Variants in CREBZF observed in about 807,000 individuals in gnomAD.
The protein encoded by CREBZF is CREB/ATF bZIP transcription factor.
A neutral mutation model predicts 21.1 loss-of-function variants in CREBZF; 8 were observed. That is an observed-to-expected ratio of 0.38 (90% CI 0.22 to 0.68). The LOEUF is 0.68. CREBZF is among the 30% of genes least tolerant of loss of function. The pLI, the probability that CREBZF is intolerant of heterozygous loss-of-function variation, is 0.51. For missense variants in CREBZF, 518 were observed against 484.3 expected, an observed-to-expected ratio of 1.07 and a Z score of -0.65; for synonymous variants, 270 against 223.3, an observed-to-expected ratio of 1.21 and a Z score of -1.86.
Position 85,664,447 on chromosome 11 carries a change from C to G in CREBZF, c.429G>C (p.Trp143Cys). The G allele has an allele frequency of 6.2e-7, 1 of 1,613,694 alleles. No individual in the cohort carries two copies. Among genetic ancestry groups the G allele is most frequent in the Non-Finnish European group, 8.5e-7 (1 of 1,179,984 alleles). Residue 143 changes from tryptophan to cysteine, a missense_variant, in exon 1 of 1, where the codon TGG becomes TGC. Physicochemically the swap from Trp to Cys is radical, Grantham distance 215. This residue lies in a region of CREBZF where 396 missense variants were observed against 324.4 expected (regional missense o/e 1.22). Transcript: ENST00000527447. This position sits in a 1 kb window ranked among gnomAD's most constrained non-coding sequence, Gnocchi z 5.5. Reference protein sequence around the residue: ...SGGGSDSGGLWRGDDDDEAAA... With the variant: ...SGGGSDSGGLCRGDDDDEAAA... ...CGGCCTCATCGTCATCGTCCCCTCT[C>G]CACAGGCCGCCGCTATCCGAGCCTC...
chr11:85,658,260 A>G lies in CREBZF; in HGVS notation c.*5551T>C, dbSNP rs1466534769. Among the ~76,000 whole-genome samples the G allele has an allele frequency of 1.3e-5, 2 of 152,056 alleles. No individual in the cohort carries two copies. The highest frequency in any genetic ancestry group is 4.8e-5 in the African/African-American group (2 of 41,458). Reference sequence around the variant, plus strand: ...TAACTAAGTTCTTTGACGATTGAGCACACATTGTTTCCTTACTTATCTTTA... The same window carrying G: ...TAACTAAGTTCTTTGACGATTGAGCGCACATTGTTTCCTTACTTATCTTTA... On this transcript the variant is annotated 3_prime_UTR_variant, in exon 1 of 1. Transcript: ENST00000527447.
intron 1 of CREBZF, among the ~76,000 whole-genome samples, chr11:85,679,579 T>A (rs1007498488): frequency 6.6e-6 from 1 of 152,122 alleles, no homozygotes; most frequent in Non-Finnish European, 1.5e-5. Flanking sequence ...AAAGCTTGAG[T>A]ATATAAGAAA....
At chr11:85,670,765 G>C (rs1003281926) in intron 1 of CREBZF, among the ~76,000 whole-genome samples, 1 of 152,144 alleles carries the variant, frequency 6.6e-6, no homozygotes, top group African/African-American at 2.4e-5. Context: ...CTGAAGAGGA[G>C]GATAGGAATT....
chr11:85,670,289 G>A (rs886271173), intron 1 of CREBZF, among the ~76,000 whole-genome samples: 2 of 70,118 alleles, frequency 2.9e-5, no homozygotes, highest in East Asian at 4.7e-4. Context: ...CCCACAATAA[G>A]ATCTCAAGTT....
rs571493412 is a variant in CREBZF at position 85,658,927 on chromosome 11, T to C, written c.*4884A>G. Among the ~76,000 whole-genome samples the C allele has an allele frequency of 1.3e-5, 2 of 152,192 alleles. No individual in the cohort carries two copies. The highest frequency in any genetic ancestry group is 3.9e-4 in the East Asian group (2 of 5,192). On this transcript the variant is annotated 3_prime_UTR_variant, in exon 1 of 1. Transcript: ENST00000527447. ...GCAAAATATTTTCAACAATTTTGGG[T>C]CAACAAAAAGTATGGAATATTTTAA...
At position 85,662,186 on chromosome 11, in the gene CREBZF, G is replaced by A. The variant is rs140907963; in HGVS notation, c.*1625C>T. 6.7e-5 allele frequency: 36 copies of A among 536,920 alleles called. No homozygotes were observed. The highest frequency in any genetic ancestry group is 5.1e-4 in the African/African-American group (27 of 52,498). The allele number at this position is 536,920 out of a possible 1,614,324, so 33.3% of individuals were successfully genotyped here. On this transcript the variant is annotated 3_prime_UTR_variant, in exon 1 of 1. Transcript: ENST00000527447. The stretch of plus-strand genomic sequence containing the variant: ...CAAAGACCAATTCAGGTCTCAAATC[G>A]TATTATCTAGCAACAAAACATTTAC...
chr11:85,663,845 C>G lies in CREBZF; in HGVS notation c.1031G>C (p.Cys344Ser), dbSNP rs1565808228. The G allele has an allele frequency of 3.7e-6, 6 of 1,605,074 alleles. 1 individual carries two copies. Among genetic ancestry groups the G allele is most frequent in the Non-Finnish European group, 5.1e-6 (6 of 1,177,714 alleles). The change falls in exon 1 of 1, where the codon TGC becomes TCC. Residue 344 changes from cysteine to serine, a missense_variant. Cys to Ser is a moderately radical substitution (Grantham distance 112). Around this residue, in one of 3 missense-constraint regions of CREBZF, gnomAD observed 114 missense variants for 134.1 expected, o/e 0.85. Transcript: ENST00000527447. ...AAGAGAAGACGACGCCTTCCGGGCGCACGCCGAGCAGAACTCCACCGACAC... is the reference window on the plus strand; with the variant it reads ...AAGAGAAGACGACGCCTTCCGGGCGGACGCCGAGCAGAACTCCACCGACAC... ...DKVSVEFCSA[C>S]ARKASSSLKM
At position 85,660,496 on chromosome 11, in the gene CREBZF, C is replaced by G; in HGVS notation, c.*3315G>C. ...TGGCATTCATTTTTTTCAGCAGATGCCAAATTTTTGACCGACATGGTTCTC... is the reference window on the plus strand; with the variant it reads ...TGGCATTCATTTTTTTCAGCAGATGGCAAATTTTTGACCGACATGGTTCTC... On this transcript the variant is annotated 3_prime_UTR_variant, in exon 1 of 1. Transcript: ENST00000527447. The G allele has an allele frequency of 2.5e-6, 1 of 403,886 alleles. No homozygotes were observed. The highest frequency in any genetic ancestry group is 4.9e-6 in the Non-Finnish European group (1 of 205,190). 25.0% of individuals were successfully genotyped at this position (403,886 alleles called of 1,614,324 possible).
At chr11:85,671,362 G>A (rs1162257908) in intron 1 of CREBZF, among the ~76,000 whole-genome samples, 1 of 152,148 alleles carries the variant, frequency 6.6e-6, no homozygotes, top group Non-Finnish European at 1.5e-5. Flanking sequence ...TGGGGACACA[G>A]CCAAACAACA....
At position 85,664,725 on chromosome 11, in the gene CREBZF, G is replaced by A. The variant is rs779903479; in HGVS notation, c.151C>T (p.Pro51Ser). The change falls in exon 1 of 1, where the codon CCC (proline) becomes TCC (serine). Residue 51 changes from proline to serine, a missense_variant. Transcript: ENST00000527447. This position sits in a 1 kb window ranked among gnomAD's most constrained non-coding sequence, Gnocchi z 5.5. ...GEEETAAAGS[P>S]GRKQQFGDEG... ...TCGCCAAACTGCTGCTTGCGGCCGG[G>A]AGATCCGGCCGCCGCCGTCTCCTCC... is the stretch of plus-strand genomic sequence containing the variant. 14 of 1,604,958 alleles carry A rather than the reference G, an allele frequency of 8.7e-6. No individual in the cohort carries two copies. The highest frequency in any genetic ancestry group is 1.7e-4 in the Middle Eastern group (1 of 5,744).
upstream of CREBZF, among the ~76,000 whole-genome samples, chr11:85,666,553 A>G (rs1201646877): frequency 1.3e-5 from 2 of 152,214 alleles, no homozygotes; most frequent in Non-Finnish European, 2.9e-5. Context: ...TAGTTCTTAA[A>G]TCTTAAAGAA....
intron 1 of CREBZF, among the ~76,000 whole-genome samples, chr11:85,672,709 C>T (rs74796243): frequency 3.3e-5 from 5 of 152,174 alleles, no homozygotes; most frequent in African/African-American, 4.8e-5. Flanking sequence ...CTACACTTCA[C>T]GATGGCTGTC....
exon 1 of CREBZF, chr11:85,682,722 C>A: frequency 1.5e-6 from 1 of 686,660 alleles, no homozygotes; most frequent in Non-Finnish European, 2.7e-6. Context: ...CATACCCAAA[C>A]GGCCCTCAGC....
In CREBZF at chr11:85,664,736, G is replaced by GCCGCCGTCTCCTCCTCCC. The variant is rs757431680; in HGVS notation, c.122_139dup (p.Gly41_Ala46dup). ...CTGCTTGCGGCCGGGAGATCCGGCC[G>GCCGCCGTCTCCTCCTCCC]CCGCCGTCTCCTCCTCCCCCGCTGC... is the stretch of plus-strand genomic sequence containing the variant. On this transcript the variant is annotated inframe_insertion, in exon 1 of 1. Coordinates refer to ENST00000527447, the MANE Select transcript of CREBZF (RefSeq NM_001039618.4). The surrounding 1 kb of genome is among the most constrained non-coding windows in gnomAD (Gnocchi z 5.5). 4.4e-6 allele frequency: 7 copies of GCCGCCGTCTCCTCCTCCC among 1,605,330 alleles called. No homozygotes were observed. The African/African-American group carries it at 9.4e-5, about 22-fold the overall frequency.
rs2082658054 is a variant in CREBZF at position 85,660,957 on chromosome 11, G to C, written c.*2854C>G. 6.5e-6 allele frequency: 1 copy of C among 154,458 alleles called. No individual in the cohort carries two copies. Among genetic ancestry groups the C allele is most frequent in the African/African-American group, 2.4e-5 (1 of 41,446 alleles). 9.6% of individuals were successfully genotyped at this position (154,458 alleles called of 1,614,324 possible). On this transcript the variant is annotated 3_prime_UTR_variant, in exon 1 of 1. Coordinates refer to ENST00000527447, the MANE Select transcript of CREBZF (RefSeq NM_001039618.4). ...TTGTTTTCAACCATTACAGTAAATA[G>C]AGCCAAACCTAGAAATTTCAAAAAC...
chr11:85,658,600 A>C lies in CREBZF; in HGVS notation c.*5211T>G, dbSNP rs1474274258. On this transcript the variant is annotated 3_prime_UTR_variant, in exon 1 of 1. Transcript: ENST00000527447. The stretch of plus-strand genomic sequence containing the variant: ...TTATATTTCAGTCTAGTCACTGTAG[A>C]CAAACTATTTAAATCTTTTATAATT... 6.6e-6 allele frequency among the ~76,000 whole-genome samples: 1 copy of C among 151,988 alleles called. No individual in the cohort carries two copies. The highest frequency in any genetic ancestry group is 1.5e-5 in the Non-Finnish European group (1 of 67,884).
chr11:85,660,450 A>C lies in CREBZF; in HGVS notation c.*3361T>G. 2.7e-6 allele frequency: 1 copy of C among 376,068 alleles called. No homozygotes were observed. The allele number at this position is 376,068 out of a possible 1,614,324, so 23.3% of individuals were successfully genotyped here. A position where few individuals can be genotyped will look rare whatever the true frequency, so the allele number is the denominator to read the frequency against. On this transcript the variant is annotated 3_prime_UTR_variant, in exon 1 of 1. Coordinates refer to ENST00000527447, the MANE Select transcript of CREBZF (RefSeq NM_001039618.4). ...TTCTGGAAAGTGAAATCAGTATAGA[A>C]GTAATTTGGGAACTTGAAAATGGCA... is the stretch of plus-strand genomic sequence containing the variant.
Position 85,663,621 on chromosome 11 carries a change from G to A in CREBZF, c.*190C>T, listed in dbSNP as rs1205986120. 1 of 1,568,696 alleles carries A rather than the reference G, an allele frequency of 6.4e-7. No homozygotes were observed. The highest frequency in any genetic ancestry group is 8.6e-7 in the Non-Finnish European group (1 of 1,156,496). On this transcript the variant is annotated 3_prime_UTR_variant, in exon 1 of 1. Transcript: ENST00000527447. ...AAGAAACTGTCAGAGAGATTTAATAGTCACATGTTATCATTAGGAGTTGGT... is the reference window on the plus strand; with the variant it reads ...AAGAAACTGTCAGAGAGATTTAATAATCACATGTTATCATTAGGAGTTGGT...
upstream of CREBZF, among the ~76,000 whole-genome samples, chr11:85,668,964 T>C (rs2082890668): frequency 8.8e-6 from 1 of 113,096 alleles, no homozygotes; most frequent in South Asian, 3.1e-4. Context: ...ATCGCGCCAC[T>C]GCACTCCAGC....
Sources: gnomAD v4.1 joint callset for allele counts (sites outside exome capture counted in the v4.1 genomes callset) on GRCh38, gnomAD v4.1.1 for gene constraint, gnomAD v4.1.1 regional missense constraint, Gnocchi (gnomAD v3.1) non-coding constraint, MANE v1.5 for transcripts, NCBI Gene and HGNC (gene_info 2026-07-23, HGNC 2026-07-21) for gene names.